The following SLC24A3 variants were observed in gnomAD, a reference collection of about 807,000 sequenced individuals.
SLC24A3 encodes the protein solute carrier family 24 member 3.
SLC24A3 carries 28 observed loss-of-function variants against 75.8 expected under a neutral mutation model. That is an observed-to-expected ratio of 0.37 (90% CI 0.27 to 0.51). The LOEUF (loss-of-function observed/expected upper bound fraction) is 0.51, where lower values mean the gene tolerates loss of function less well. Among genes scored for constraint, SLC24A3 ranks in the 20% least tolerant of loss-of-function variants. The pLI is 0.94. For missense variants in SLC24A3, 663 were observed against 847.8 expected (o/e 0.78, Z 2.71); for synonymous variants, 372 against 334.1 (o/e 1.11, Z -1.24).
At chr20:19,271,546 A>G (rs778306804) in intron 1 of SLC24A3, among the ~76,000 whole-genome samples, 11 of 152,254 alleles carry the variant, frequency 7.2e-5, no homozygotes, top group Non-Finnish European at 1.2e-4. Context: ...ATGCATGTTT[A>G]TAGCAGCACA....
intron 1 of SLC24A3, among the ~76,000 whole-genome samples, chr20:19,243,347 G>A (rs1362231691): frequency 6.6e-6 from 1 of 152,130 alleles, no homozygotes; most frequent in Non-Finnish European, 1.5e-5. Flanking sequence ...AGGAGGTGAG[G>A]GAATAAGACA....
At chr20:19,340,598 C>A (rs777047795) in intron 2 of SLC24A3, among the ~76,000 whole-genome samples, 14 of 152,130 alleles carry the variant, frequency 9.2e-5, no homozygotes, top group Non-Finnish European at 2.1e-4. Flanking sequence ...ACAGCCTGGG[C>A]AGGGAGGAAG....
chr20:19,293,696 G>C (rs1983996597), intron 2 of SLC24A3, among the ~76,000 whole-genome samples: 1 of 150,610 alleles, frequency 6.6e-6, no homozygotes, highest in Non-Finnish European at 1.5e-5. Flanking sequence ...CTTTAAGGAT[G>C]CCCAAGCAAA....
intron 2 of SLC24A3, among the ~76,000 whole-genome samples, chr20:19,431,129 T>C (rs1355924877): frequency 2.6e-5 from 4 of 151,740 alleles, no homozygotes; most frequent in African/African-American, 9.7e-5. Context: ...AAGGGAGTGT[T>C]GATGAGCACT....
intron 6 of SLC24A3, among the ~76,000 whole-genome samples, chr20:19,646,963 G>T (rs1226980080): frequency 6.6e-6 from 1 of 151,928 alleles, no homozygotes; most frequent in Non-Finnish European, 1.5e-5. Context: ...ACCCTTACCA[G>T]TTCAGTTCCC....
intron 12 of SLC24A3, 78 bp from the exon 13 acceptor site, chr20:19,693,181 C>T: frequency 6.9e-7 from 1 of 1,448,720 alleles, no homozygotes; most frequent in South Asian, 1.4e-5. Context: ...AGACACTTGG[C>T]AGAGCAAAGA....
At chr20:19,413,911 AAT>A (rs1986787305) in intron 2 of SLC24A3, among the ~76,000 whole-genome samples, 1 of 152,252 alleles carries the variant, frequency 6.6e-6, no homozygotes, top group Non-Finnish European at 1.5e-5. Context: ...GTTTGAAACC[AAT>A]ATGTTGGAGA....
chr20:19,388,022 T>C (rs6046045), intron 2 of SLC24A3, among the ~76,000 whole-genome samples: 82,329 of 152,008 alleles, frequency 0.54, 23,317 homozygotes, highest in African/African-American at 0.7. Flanking sequence ...TTGATACAGG[T>C]ATGCAATGCA....
intron 4 of SLC24A3, among the ~76,000 whole-genome samples, chr20:19,581,624 G>A (rs1428389421): frequency 6.6e-6 from 1 of 152,222 alleles, no homozygotes; most frequent in Non-Finnish European, 1.5e-5. Context: ...TCGCTAAACA[G>A]TGTGGTGTGA....
At chr20:19,225,798 A>G (rs2122139776) in intron 1 of SLC24A3, among the ~76,000 whole-genome samples, 1 of 152,280 alleles carries the variant, frequency 6.6e-6, no homozygotes, top group Admixed American at 6.5e-5. Flanking sequence ...GTAGTATTCC[A>G]CTATACAGAT....
intron 2 of SLC24A3, among the ~76,000 whole-genome samples, chr20:19,289,837 T>C (rs6035274): frequency 0.53 from 80,356 of 152,050 alleles, 23,079 homozygotes; most frequent in African/African-American, 0.75. Flanking sequence ...CAGATAATCT[T>C]ATTTTGCAGA....
intron 2 of SLC24A3, among the ~76,000 whole-genome samples, chr20:19,453,994 C>T (rs1987536761): frequency 6.6e-6 from 1 of 152,220 alleles, no homozygotes; most frequent in Non-Finnish European, 1.5e-5. Flanking sequence ...GGTTTTTCCA[C>T]TTTACAAGCT....
At position 19,660,641 on chromosome 20, in the gene SLC24A3, G is replaced by A. The variant is rs571625939; in HGVS notation, c.688-5223G>A. On this transcript the variant is annotated intron_variant, in intron 7 of 16. Coordinates refer to ENST00000328041, the MANE Select transcript of SLC24A3 (RefSeq NM_020689.4). ...TTTGATAGAATGATTTCTTTTCTTC[G>A]GGGTAGATACCCAGTAGTGGGATTG... Among the ~76,000 whole-genome samples, 27 of 151,992 alleles carry A rather than the reference G, an allele frequency of 1.8e-4. 1 individual carries two copies. The highest frequency in any genetic ancestry group is 4.8e-5 in the African/African-American group (2 of 41,434).
At chr20:19,485,386 A>C (rs544151646) in intron 2 of SLC24A3, among the ~76,000 whole-genome samples, 1 of 152,168 alleles carries the variant, frequency 6.6e-6, no homozygotes, top group Non-Finnish European at 1.5e-5. Context: ...AAATTGCAGT[A>C]TACATACCAC....
chr20:19,380,408 A>G (rs2122371306), intron 2 of SLC24A3, among the ~76,000 whole-genome samples: 1 of 152,350 alleles, frequency 6.6e-6, no homozygotes, highest in South Asian at 2.1e-4. Context: ...CCTGATTTCA[A>G]GAACAGCAGG....
intron 2 of SLC24A3, among the ~76,000 whole-genome samples, chr20:19,323,494 G>A (rs1043581384): frequency 3.3e-5 from 5 of 152,142 alleles, no homozygotes; most frequent in African/African-American, 1.2e-4. Flanking sequence ...TAAAATATAA[G>A]GGTACCTCAA....
chr20:19,458,168 G>GC (rs1245928145), intron 2 of SLC24A3, among the ~76,000 whole-genome samples: 2 of 151,948 alleles, frequency 1.3e-5, no homozygotes, highest in Non-Finnish European at 2.9e-5. Context: ...ATGGCTTCAA[G>GC]CTCCCCCCTC....
intron 2 of SLC24A3, among the ~76,000 whole-genome samples, chr20:19,432,952 C>A (rs1987130269): frequency 6.6e-6 from 1 of 152,136 alleles, no homozygotes; most frequent in Non-Finnish European, 1.5e-5. Context: ...TGCTCAAGGT[C>A]ATCGCCAAGG....
intron 2 of SLC24A3, among the ~76,000 whole-genome samples, chr20:19,295,168 G>A (rs1418398185): frequency 1.3e-5 from 2 of 152,048 alleles, no homozygotes; most frequent in African/African-American, 4.8e-5. Context: ...TTTTCTTCTT[G>A]TAAAATTTTT....
Sources: allele counts gnomAD v4.1 joint callset (sites outside exome capture counted in the v4.1 genomes callset), GRCh38; gene constraint gnomAD v4.1.1; transcripts MANE v1.5; gene names NCBI Gene and HGNC (gene_info 2026-07-23, HGNC 2026-07-21).